The following TRMT10B variants were observed in gnomAD, a reference collection of about 807,000 sequenced individuals.
The protein encoded by TRMT10B is tRNA methyltransferase 10B.
In TRMT10B, 33 loss-of-function variants were observed where a neutral mutation model predicts 43.8. The ratio of observed to expected loss-of-function variants is 0.75; its 90% CI spans 0.57 to 1.01. The LOEUF is 1.01. Among genes scored for constraint, TRMT10B ranks in the 50% least tolerant of loss-of-function variants. The pLI is 0.00. For missense variants in TRMT10B, 362 were observed against 369.8 expected, an observed-to-expected ratio of 0.98 and a Z score of 0.17; for synonymous variants, 137 against 130.6, an observed-to-expected ratio of 1.05 and a Z score of -0.34.
Position 37,768,337 on chromosome 9 carries a change from TA to T in TRMT10B, c.573+116del. ...ATGTTACATTTTCAGTATTGAAGTCTAAAAAAATTCAGAACCTCTCATAAGT... is the reference window on the plus strand; with the variant it reads ...ATGTTACATTTTCAGTATTGAAGTCTAAAAAATTCAGAACCTCTCATAAGT... On this transcript the variant is annotated intron_variant, in intron 5 of 8. Transcript: ENST00000297994. 4.7e-6 allele frequency: 6 copies of T among 1,287,124 alleles called. No individual in the cohort carries two copies. The South Asian group carries it at 4.7e-5, about 10-fold the overall frequency. 79.7% of individuals were successfully genotyped at this position (1,287,124 alleles called of 1,614,324 possible). A position where few individuals can be genotyped will look rare whatever the true frequency, so the allele number is the denominator to read the frequency against.
At chr9:37,760,302 A>G (rs1467200699) in intron 1 of TRMT10B, among the ~76,000 whole-genome samples, 1 of 152,240 alleles carries the variant, frequency 6.6e-6, no homozygotes, top group African/African-American at 2.4e-5. Context: ...AGCCTGGGTG[A>G]CAGTGTGAGA....
chr9:37,758,838 A>G (rs1041541596), intron 1 of TRMT10B, among the ~76,000 whole-genome samples: 14 of 152,298 alleles, frequency 9.2e-5, no homozygotes, highest in Non-Finnish European at 1.8e-4. Flanking sequence ...TAAGCCCCAC[A>G]GTCACCCTGG....
At chr9:37,753,286 G>A (rs946981452), upstream of TRMT10B, among the ~76,000 whole-genome samples, 1 of 152,190 alleles carries the variant, frequency 6.6e-6, no homozygotes, top group Non-Finnish European at 1.5e-5. Flanking sequence ...GACACAATAT[G>A]ATATCAGGTT....
chr9:37,762,763 A>G (rs940214064), intron 3 of TRMT10B, 78 bp downstream of exon 3: 54 of 1,452,500 alleles, frequency 3.7e-5, no homozygotes, highest in Middle Eastern at 2.5e-4. Context: ...TGAGAGTAGG[A>G]ATTTTGTATA....
intron 7 of TRMT10B, 131 bp from the exon 8 acceptor site, chr9:37,776,151 T>G: frequency 6.5e-5 from 51 of 786,328 alleles, no homozygotes; most frequent in Non-Finnish European, 8.8e-5. Flanking sequence ...CATAAGCTCT[T>G]GAGACAGTTA....
At chr9:37,761,861 G>A in intron 1 of TRMT10B, 42 bp from the exon 2 acceptor site, 1 of 1,400,596 alleles carries the variant, frequency 7.1e-7, no homozygotes, top group Non-Finnish European at 9.8e-7. Flanking sequence ...ACCTATGTTA[G>A]TGAAATAATG....
chr9:37,767,621 T>G (rs985664969), intron 4 of TRMT10B: 5 of 151,718 alleles, frequency 3.3e-5, no homozygotes, highest in Non-Finnish European at 7.3e-5. Flanking sequence ...ATTGTGAAAT[T>G]GCTTTTATAT....
intron 1 of TRMT10B, among the ~76,000 whole-genome samples, chr9:37,761,352 A>G (rs754582331): frequency 7.9e-5 from 12 of 152,208 alleles, no homozygotes; most frequent in Non-Finnish European, 1.5e-4. Context: ...CACTGCAGCT[A>G]TGGATAATCA....
chr9:37,771,326 T>TA (rs1202255174), intron 7 of TRMT10B, among the ~76,000 whole-genome samples: 1 of 152,202 alleles, frequency 6.6e-6, no homozygotes, highest in African/African-American at 2.4e-5. Flanking sequence ...AAGTCTTTCC[T>TA]ACCTTTGTCT....
intron 1 of TRMT10B, among the ~76,000 whole-genome samples, chr9:37,760,929 C>G (rs1215026605): frequency 1.3e-5 from 2 of 152,204 alleles, no homozygotes; most frequent in African/African-American, 4.8e-5. Flanking sequence ...TTGAACTCCA[C>G]TTTGAAATTG....
intron 8 of TRMT10B, among the ~76,000 whole-genome samples, chr9:37,776,905 A>G (rs916538570): frequency 6.6e-6 from 1 of 150,856 alleles, no homozygotes; most frequent in Non-Finnish European, 1.5e-5. Flanking sequence ...TCAAAAACAA[A>G]AAAAAAAGCT....
At chr9:37,759,035 G>A (rs949175615) in intron 1 of TRMT10B, among the ~76,000 whole-genome samples, 2 of 152,212 alleles carry the variant, frequency 1.3e-5, no homozygotes, top group African/African-American at 4.8e-5. Flanking sequence ...CATTTGGAAT[G>A]CTCATACATT....
upstream of TRMT10B, among the ~76,000 whole-genome samples, chr9:37,753,162 A>AT (rs1563976668): frequency 6.6e-6 from 1 of 152,184 alleles, no homozygotes; most frequent in Non-Finnish European, 1.5e-5. Flanking sequence ...TAGCGAGACC[A>AT]TGAACCCGCC....
At chr9:37,766,335 T>A (rs375288573) in intron 4 of TRMT10B, among the ~76,000 whole-genome samples, 1 of 152,152 alleles carries the variant, frequency 6.6e-6, no homozygotes, top group Non-Finnish European at 1.5e-5. Flanking sequence ...TTAAATAGGG[T>A]ATCCTTTCCC....
chr9:37,763,166 CA>C (rs1162647212), intron 3 of TRMT10B, among the ~76,000 whole-genome samples: 140 of 113,764 alleles, frequency 1.2e-3, no homozygotes, highest in African/African-American at 4.1e-3. Flanking sequence ...AAAAAAAAAA[CA>C]AAAAAAAAAA....
At chr9:37,762,437 GGTTT>G (rs1445224259) in intron 2 of TRMT10B, 136 bp from the exon 3 acceptor site, 9 of 1,242,228 alleles carry the variant, frequency 7.2e-6, no homozygotes, top group Non-Finnish European at 9.8e-6. Context: ...ATCCAGTCTA[GGTTT>G]GTTTTTAAGA....
chr9:37,755,029 G>A (rs1386561889), intron 1 of TRMT10B, among the ~76,000 whole-genome samples: 3 of 152,128 alleles, frequency 2.0e-5, no homozygotes, highest in East Asian at 3.9e-4. Context: ...CTAGCACTTT[G>A]GGAGGCCCAG....
rs1443342292 is a variant in TRMT10B at position 37,778,576 on chromosome 9, A to C, written c.*869A>C. Reference sequence around the variant, plus strand: ...ACATGGCTTTGGACGTGCTAATTCAACTTTTGTACATCTATTTGTGAGAGA... The same window carrying C: ...ACATGGCTTTGGACGTGCTAATTCACCTTTTGTACATCTATTTGTGAGAGA... On this transcript the variant is annotated 3_prime_UTR_variant, in exon 9 of 9. Coordinates refer to ENST00000297994, the MANE Select transcript of TRMT10B (RefSeq NM_144964.4). 6.6e-6 allele frequency: 1 copy of C among 152,208 alleles called. No homozygotes were observed. The highest frequency in any genetic ancestry group is 2.4e-5 in the African/African-American group (1 of 41,446). The allele number at this position is 152,208 out of a possible 1,614,324, so 9.4% of individuals were successfully genotyped here.
At chr9:37,768,806 C>T (rs574558917) in intron 5 of TRMT10B, among the ~76,000 whole-genome samples, 4 of 152,334 alleles carry the variant, frequency 2.6e-5, no homozygotes, top group African/African-American at 7.2e-5. Flanking sequence ...CGGGGCTGCA[C>T]AGCCAGCTGT....
Sources: allele counts gnomAD v4.1 joint callset (sites outside exome capture counted in the v4.1 genomes callset), GRCh38; gene constraint gnomAD v4.1.1; transcripts MANE v1.5; gene names NCBI Gene and HGNC (gene_info 2026-07-23, HGNC 2026-07-21).